The following ZMIZ1 variants were observed in gnomAD, a reference collection of about 807,000 sequenced individuals.
The protein encoded by ZMIZ1 is zinc finger MIZ-type containing 1, also known as zinc finger MIZ domain-containing protein 1.
ZMIZ1 carries 17 observed loss-of-function variants against 113.9 expected under a neutral mutation model. The ratio of observed to expected loss-of-function variants is 0.15; its 90% CI spans 0.10 to 0.22. The LOEUF (loss-of-function observed/expected upper bound fraction) is 0.22, where lower values mean the gene tolerates loss of function less well. Ranked by LOEUF, ZMIZ1 falls within the 10% of genes least tolerant of loss-of-function variation. The pLI is 1.00. For missense variants in ZMIZ1, 1,059 were observed against 1,477.8 expected (o/e 0.72, Z 4.65); for synonymous variants, 607 against 603.1 (o/e 1.01, Z -0.09).
At chr10:79,249,791 C>T (rs1365972530) in intron 7 of ZMIZ1, among the ~76,000 whole-genome samples, 2 of 152,134 alleles carry the variant, frequency 1.3e-5, no homozygotes, top group South Asian at 2.1e-4. Flanking sequence ...CTGTTGGCAG[C>T]TCTGGTGACT....
intron 7 of ZMIZ1, among the ~76,000 whole-genome samples, chr10:79,270,050 G>A (rs1851856340): frequency 6.6e-6 from 1 of 152,216 alleles, no homozygotes; most frequent in Non-Finnish European, 1.5e-5. Flanking sequence ...CCAGTCCTGG[G>A]CGTCTGTGCT....
chr10:79,304,854 T>C (rs1854571176), intron 19 of ZMIZ1, among the ~76,000 whole-genome samples: 1 of 152,058 alleles, frequency 6.6e-6, no homozygotes, highest in Non-Finnish European at 1.5e-5. Flanking sequence ...CCTGGCCTGG[T>C]TGAAAGGGGC....
At chr10:79,185,794 A>T (rs183545912) in intron 4 of ZMIZ1, among the ~76,000 whole-genome samples, 1 of 96,338 alleles carries the variant, frequency 1.0e-5, no homozygotes, top group Admixed American at 1.2e-4. Flanking sequence ...CTTGGAAGAG[A>T]TGGTTTTAGA....
intron 10 of ZMIZ1, 148 bp from the exon 11 acceptor site, chr10:79,292,010 C>A: frequency 1.2e-6 from 1 of 832,648 alleles, no homozygotes; most frequent in Non-Finnish European, 2.0e-6. Context: ...TGCCAAGTGG[C>A]ACAAATGAAT....
chr10:79,233,719 T>C (rs1849484319), intron 7 of ZMIZ1, among the ~76,000 whole-genome samples: 2 of 127,956 alleles, frequency 1.6e-5, no homozygotes, highest in South Asian at 5.4e-4. Context: ...ACCTTCCCTT[T>C]CAAATTCATC....
At chr10:79,213,802 C>T (rs1564529071) in intron 6 of ZMIZ1, among the ~76,000 whole-genome samples, 2 of 152,182 alleles carry the variant, frequency 1.3e-5, no homozygotes, top group Non-Finnish European at 2.9e-5. Context: ...TGTCACTGAC[C>T]AGCTTTGAGG....
At chr10:79,268,657 G>A (rs576369213) in intron 7 of ZMIZ1, among the ~76,000 whole-genome samples, 166 of 152,330 alleles carry the variant, frequency 1.1e-3, no homozygotes, top group African/African-American at 3.8e-3. Context: ...TCATGCTGTC[G>A]CTACGGAGCA....
chr10:79,226,324 C>T (rs1455005803), intron 7 of ZMIZ1, among the ~76,000 whole-genome samples: 1 of 152,088 alleles, frequency 6.6e-6, no homozygotes, highest in African/African-American at 2.4e-5. Flanking sequence ...AGTGGTGCTC[C>T]CGAGGAGCTG....
chr10:79,078,383 G>A (rs1289360886), intron 1 of ZMIZ1, among the ~76,000 whole-genome samples: 4 of 152,066 alleles, frequency 2.6e-5, no homozygotes, highest in Non-Finnish European at 4.4e-5. Context: ...ACCATGAGCC[G>A]AAACAACATA....
At chr10:79,139,432 G>C (rs1031407669) in intron 2 of ZMIZ1, among the ~76,000 whole-genome samples, 5 of 152,210 alleles carry the variant, frequency 3.3e-5, no homozygotes, top group African/African-American at 1.2e-4. Context: ...AAAGTCCCCA[G>C]TCCTGGAAGA....
chr10:79,160,658 C>G (rs1057233569), intron 3 of ZMIZ1, among the ~76,000 whole-genome samples: 1 of 152,282 alleles, frequency 6.6e-6, no homozygotes, highest in African/African-American at 2.4e-5. Flanking sequence ...ATCACCAGGC[C>G]TCTTTGCCTC....
intron 5 of ZMIZ1, among the ~76,000 whole-genome samples, chr10:79,203,170 C>A (rs1848172549): frequency 6.6e-6 from 1 of 152,166 alleles, no homozygotes; most frequent in Non-Finnish European, 1.5e-5. Flanking sequence ...ACCCAGCCTT[C>A]CCTCCTTGAG....
intron 12 of ZMIZ1, chr10:79,295,590 C>T (rs1209671420): frequency 6.6e-6 from 1 of 152,214 alleles, no homozygotes; most frequent in African/African-American, 2.4e-5. Context: ...GTGGGTGCCT[C>T]ACTGTCACCC....
At chr10:79,126,858 C>A (rs776407053) in intron 2 of ZMIZ1, among the ~76,000 whole-genome samples, 14 of 152,160 alleles carry the variant, frequency 9.2e-5, no homozygotes, top group Admixed American at 6.5e-4. Flanking sequence ...TGGGCTTCCC[C>A]AGCACCTCGG....
intron 2 of ZMIZ1, among the ~76,000 whole-genome samples, chr10:79,129,099 TG>T (rs1261704588): frequency 2.0e-5 from 3 of 152,172 alleles, no homozygotes; most frequent in African/African-American, 7.2e-5. Context: ...GTTTGTTTAA[TG>T]GTTTTTATCA....
In ZMIZ1 at chr10:79,091,362, G is replaced by A. The variant is rs190766544; in HGVS notation, c.-337+22092G>A. Among the ~76,000 whole-genome samples the A allele has an allele frequency of 6.6e-5, 10 of 152,286 alleles. No individual in the cohort carries two copies. In the East Asian group the frequency reaches 1.7e-3, roughly 26 times the overall value. ...AGCCTTGTCTCTTATCCCCTAGCAC[G>A]GGGGCCATAACGGCACAGGCTAAGG... On this transcript the variant is annotated intron_variant, in intron 1 of 24. Coordinates refer to ENST00000334512, the MANE Select transcript of ZMIZ1 (RefSeq NM_020338.4).
chr10:79,245,304 C>T (rs1306433842), intron 7 of ZMIZ1, among the ~76,000 whole-genome samples: 1 of 152,210 alleles, frequency 6.6e-6, no homozygotes, highest in African/African-American at 2.4e-5. Flanking sequence ...TGCCCGAGAT[C>T]ATCCAGTTGG....
At chr10:79,084,328 C>T (rs1304033375) in intron 1 of ZMIZ1, among the ~76,000 whole-genome samples, 2 of 152,260 alleles carry the variant, frequency 1.3e-5, no homozygotes, top group Non-Finnish European at 2.9e-5. Flanking sequence ...TTCACACCTC[C>T]TCTTTCTGTT....
intron 7 of ZMIZ1, among the ~76,000 whole-genome samples, chr10:79,234,220 A>G (rs1343371032): frequency 6.6e-6 from 1 of 152,196 alleles, no homozygotes; most frequent in Non-Finnish European, 1.5e-5. Context: ...TGCAGTTGCC[A>G]GGATGCCAGG....
Sources: allele counts gnomAD v4.1 joint callset (sites outside exome capture counted in the v4.1 genomes callset), GRCh38; gene constraint gnomAD v4.1.1; transcripts MANE v1.5; gene names NCBI Gene and HGNC (gene_info 2026-07-23, HGNC 2026-07-21).